INPP4B: variants seen among roughly 807,000 people sequenced by gnomAD.
INPP4B encodes the protein inositol polyphosphate 4-phosphatase type II.
In INPP4B, 55 loss-of-function variants were observed where a neutral mutation model predicts 122.5. The ratio of observed to expected loss-of-function variants is 0.45; its 90% CI spans 0.36 to 0.56. INPP4B has a LOEUF of 0.56. Ranked by LOEUF, INPP4B falls within the 20% of genes least tolerant of loss-of-function variation. The probability of loss-of-function intolerance (pLI) is 0.00; values close to 1 mark genes in which losing one functional copy is unlikely to be tolerated. For missense variants in INPP4B, 1,000 were observed against 1,097.7 expected, an observed-to-expected ratio of 0.91 and a Z score of 1.26; for synonymous variants, 403 against 388.7, an observed-to-expected ratio of 1.04 and a Z score of -0.43.
At chr4:142,232,692 CA>C (rs1278310837) in intron 12 of INPP4B, among the ~76,000 whole-genome samples, 1 of 151,968 alleles carries the variant, frequency 6.6e-6, no homozygotes, top group Non-Finnish European at 1.5e-5. Flanking sequence ...GTGAGGAAGG[CA>C]TGTCAAAAGT....
chr4:142,714,967 G>A (rs1332995174), intron 2 of INPP4B, among the ~76,000 whole-genome samples: 1 of 152,146 alleles, frequency 6.6e-6, no homozygotes, highest in East Asian at 1.9e-4. Context: ...ATAAACAATT[G>A]TCCACATGTG....
intron 7 of INPP4B, among the ~76,000 whole-genome samples, chr4:142,335,117 A>T (rs1776146762): frequency 6.6e-6 from 1 of 150,894 alleles, no homozygotes; most frequent in Admixed American, 6.6e-5. Flanking sequence ...TGAAAAAAAA[A>T]AAAAAAAAAA....
chr4:142,458,560 T>C (rs923051275), intron 3 of INPP4B, among the ~76,000 whole-genome samples: 4 of 151,946 alleles, frequency 2.6e-5, no homozygotes, highest in Admixed American at 1.3e-4. Context: ...AGGAACAATT[T>C]GAAAGCTTTG....
At chr4:142,759,423 C>G (rs1451803314) in intron 1 of INPP4B, among the ~76,000 whole-genome samples, 2 of 152,092 alleles carry the variant, frequency 1.3e-5, no homozygotes, top group East Asian at 3.9e-4. Context: ...AACCCAAACT[C>G]TATTAGAGAA....
chr4:142,130,851 T>C (rs922403919), intron 18 of INPP4B, among the ~76,000 whole-genome samples: 5 of 152,160 alleles, frequency 3.3e-5, no homozygotes, highest in African/African-American at 1.2e-4. Context: ...CAGGGAACCT[T>C]GTTTGTTTAA....
At chr4:142,702,243 A>T (rs1434458679) in intron 2 of INPP4B, among the ~76,000 whole-genome samples, 3 of 152,210 alleles carry the variant, frequency 2.0e-5, no homozygotes, top group African/African-American at 7.2e-5. Flanking sequence ...AATTGGACAC[A>T]AAAGACTCCA....
chr4:142,837,274 A>C (rs1782914933), intron 1 of INPP4B, among the ~76,000 whole-genome samples: 1 of 152,176 alleles, frequency 6.6e-6, no homozygotes, highest in Admixed American at 6.5e-5. Flanking sequence ...TACACATTTC[A>C]AAAATGTTCA....
chr4:142,836,345 C>T (rs972426589), intron 1 of INPP4B, among the ~76,000 whole-genome samples: 24 of 151,926 alleles, frequency 1.6e-4, no homozygotes, highest in African/African-American at 5.8e-4. Flanking sequence ...AAGGAAATAG[C>T]AATGACATTT....
At chr4:142,452,911 TA>T (rs145675840) in intron 3 of INPP4B, among the ~76,000 whole-genome samples, 7,369 of 150,158 alleles carry the variant, frequency 0.049, 191 homozygotes, top group Middle Eastern at 0.079. Context: ...AACAACGGTT[TA>T]AAAAAAAAAT....
At chr4:142,797,381 A>G (rs905046764) in intron 1 of INPP4B, among the ~76,000 whole-genome samples, 4 of 152,036 alleles carry the variant, frequency 2.6e-5, no homozygotes, top group African/African-American at 9.6e-5. Context: ...AAGCTTCCAT[A>G]AATGTCAGTC....
intron 16 of INPP4B, among the ~76,000 whole-genome samples, chr4:142,172,211 G>A (rs186549346): frequency 1.1e-4 from 16 of 151,928 alleles, no homozygotes; most frequent in Admixed American, 7.2e-4. Flanking sequence ...GACGGAGGGC[G>A]CTAAAAAGAA....
At position 142,107,996 on chromosome 4, in the gene INPP4B, C is replaced by T. The variant is rs1788016080; in HGVS notation, c.2374+97G>A. The stretch of plus-strand genomic sequence containing the variant: ...TCAAAATCACTCTCACATCCCTACC[C>T]CTGCTTCTGTAGTCCACTGACCTCT... On this transcript the variant is annotated intron_variant, in intron 23 of 25. Coordinates refer to ENST00000262992, the MANE Select transcript of INPP4B (RefSeq NM_001101669.3). The T allele has an allele frequency of 7.6e-6, 5 of 660,130 alleles. No homozygotes were observed. The Admixed American group carries it at 1.2e-4, about 16-fold the overall frequency. 40.9% of individuals were successfully genotyped at this position (660,130 alleles called of 1,614,324 possible).
At chr4:142,579,070 A>G (rs4975311) in intron 2 of INPP4B, among the ~76,000 whole-genome samples, 92,567 of 151,932 alleles carry the variant, frequency 0.61, 30,065 homozygotes, top group East Asian at 0.79. Flanking sequence ...TGTATTGAAC[A>G]TCTGCGTTCA....
At chr4:142,359,665 C>G (rs1018301127) in intron 7 of INPP4B, among the ~76,000 whole-genome samples, 5 of 151,842 alleles carry the variant, frequency 3.3e-5, no homozygotes, top group Non-Finnish European at 7.4e-5. Context: ...TAAGTACTTT[C>G]CTCTCCTTTT....
intron 18 of INPP4B, among the ~76,000 whole-genome samples, chr4:142,127,335 G>A (rs1264594494): frequency 6.6e-6 from 1 of 152,022 alleles, no homozygotes; most frequent in Non-Finnish European, 1.5e-5. Flanking sequence ...TTAAATATTT[G>A]TTTCTCTAAA....
intron 1 of INPP4B, among the ~76,000 whole-genome samples, chr4:142,735,922 GC>G: frequency 1.0e-5 from 1 of 95,526 alleles, no homozygotes; most frequent in Non-Finnish European, 2.1e-5. Context: ...TCTATACATT[GC>G]AACACACACA....
chr4:142,835,915 C>T (rs1037257825), intron 1 of INPP4B, among the ~76,000 whole-genome samples: 6 of 152,198 alleles, frequency 3.9e-5, no homozygotes, highest in African/African-American at 1.2e-4. Context: ...TTAGGCCAAA[C>T]GTGAACATGA....
intron 7 of INPP4B, among the ~76,000 whole-genome samples, chr4:142,359,288 T>G (rs922099459): frequency 2.0e-5 from 3 of 151,862 alleles, no homozygotes; most frequent in African/African-American, 7.3e-5. Context: ...ACTAAACAAC[T>G]AATTGCAATC....
At chr4:142,396,403 A>G (rs1459029170) in intron 7 of INPP4B, among the ~76,000 whole-genome samples, 3 of 152,162 alleles carry the variant, frequency 2.0e-5, no homozygotes, top group Admixed American at 6.5e-5. Context: ...GCCAATTAAA[A>G]CCACAATGAG....
Sources: gnomAD v4.1 joint callset for allele counts (sites outside exome capture counted in the v4.1 genomes callset) on GRCh38, gnomAD v4.1.1 for gene constraint, MANE v1.5 for transcripts, NCBI Gene and HGNC (gene_info 2026-07-23, HGNC 2026-07-21) for gene names.